ZMAT4: variants seen among roughly 807,000 people sequenced by gnomAD.
The protein encoded by ZMAT4 is zinc finger matrin-type protein 4.
In ZMAT4, 17 loss-of-function variants were observed where a neutral mutation model predicts 28.7. That is an observed-to-expected ratio of 0.59 (90% CI 0.41 to 0.89). ZMAT4 has a LOEUF of 0.89. Among genes scored for constraint, ZMAT4 ranks in the 40% least tolerant of loss-of-function variants. ZMAT4 has a pLI of 0.00. For missense variants in ZMAT4, 240 were observed against 283.8 expected, an observed-to-expected ratio of 0.85 and a Z score of 1.11; for synonymous variants, 117 against 109.2, an observed-to-expected ratio of 1.07 and a Z score of -0.44.
intron 1 of ZMAT4, chr8:40,884,772 G>T (rs1158292371): frequency 6.6e-6 from 1 of 152,216 alleles, no homozygotes; most frequent in Non-Finnish European, 1.5e-5. Context: ...TGGATCCAAG[G>T]TCAGCAAACC....
At chr8:40,695,742 C>T (rs555326049) in intron 4 of ZMAT4, among the ~76,000 whole-genome samples, 1 of 135,194 alleles carries the variant, frequency 7.4e-6, no homozygotes, top group Admixed American at 7.7e-5. Flanking sequence ...TTTAAATTCA[C>T]AAAGAACTGG....
At chr8:40,743,444 A>G (rs1812095158) in intron 3 of ZMAT4, among the ~76,000 whole-genome samples, 1 of 152,220 alleles carries the variant, frequency 6.6e-6, no homozygotes, top group African/African-American at 2.4e-5. Flanking sequence ...CCCCAGGGCC[A>G]GGATGTCAGC....
At chr8:40,757,906 G>A (rs1206014890) in intron 3 of ZMAT4, among the ~76,000 whole-genome samples, 1 of 152,096 alleles carries the variant, frequency 6.6e-6, no homozygotes. Context: ...AATAAAAGCA[G>A]ACAAAAGAAA....
At chr8:40,539,984 G>C (rs1328251874) in intron 6 of ZMAT4, among the ~76,000 whole-genome samples, 1 of 152,226 alleles carries the variant, frequency 6.6e-6, no homozygotes, top group Non-Finnish European at 1.5e-5. Context: ...AACCTTTAGG[G>C]AGGAGAGGCT....
At chr8:40,844,541 C>T (rs1816812888) in intron 1 of ZMAT4, among the ~76,000 whole-genome samples, 1 of 152,092 alleles carries the variant, frequency 6.6e-6, no homozygotes, top group African/African-American at 2.4e-5. Flanking sequence ...AGAATGCAGG[C>T]CTTCCCTTGG....
chr8:40,604,124 G>A (rs1311177205), intron 5 of ZMAT4, among the ~76,000 whole-genome samples: 1 of 152,128 alleles, frequency 6.6e-6, no homozygotes, highest in Non-Finnish European at 1.5e-5. Flanking sequence ...TTTTGGATGA[G>A]TCTTTAGGGT....
rs186822039 is a variant in ZMAT4 at position 40,866,619 on chromosome 8, G to A, written c.-5+31064C>T. Reference sequence around the variant, plus strand: ...TTTTCCCCCTAAGTTCCTAAAAGAAGAGGGTTAGGAAAGGAAGTTGATGAA... The same window carrying A: ...TTTTCCCCCTAAGTTCCTAAAAGAAAAGGGTTAGGAAAGGAAGTTGATGAA... On this transcript the variant is annotated intron_variant, in intron 1 of 6. Coordinates refer to ENST00000297737, the MANE Select transcript of ZMAT4 (RefSeq NM_024645.3). 1.2e-4 allele frequency among the ~76,000 whole-genome samples: 19 copies of A among 152,280 alleles called. No individual in the cohort carries two copies. In the East Asian group the frequency reaches 3.3e-3, roughly 26 times the overall value.
Position 40,659,932 on chromosome 8 carries a change from G to A in ZMAT4, c.577+14772C>T, listed in dbSNP as rs534983802. On this transcript the variant is annotated intron_variant, in intron 5 of 6. Transcript: ENST00000297737. ...GTAGGGTTTATATTGAGTGATAGAT[G>A]CCTTTCTTTTACATATAACTGCAAA... 3.3e-5 allele frequency among the ~76,000 whole-genome samples: 5 copies of A among 152,258 alleles called. No homozygotes were observed. In the East Asian group the frequency reaches 7.7e-4, roughly 23 times the overall value.
chr8:40,635,622 C>T (rs1184410581), intron 5 of ZMAT4, among the ~76,000 whole-genome samples: 1 of 152,144 alleles, frequency 6.6e-6, no homozygotes, highest in African/African-American at 2.4e-5. Flanking sequence ...TCAGTGAGGG[C>T]GTGGTGGCAA....
rs144625931 is a variant in ZMAT4 at position 40,538,582 on chromosome 8, A to T, written c.675-6344T>A. On this transcript the variant is annotated intron_variant, in intron 6 of 6. Transcript: ENST00000297737. Reference sequence around the variant, plus strand: ...TAACTCTTTTTGTCGACGACAACATATTAGCCTCCTCATCTGAAGTGAGAG... The same window carrying T: ...TAACTCTTTTTGTCGACGACAACATTTTAGCCTCCTCATCTGAAGTGAGAG... Among the ~76,000 whole-genome samples, 1,304 of 152,230 alleles carry T rather than the reference A, an allele frequency of 8.6e-3. 10 individuals are homozygous for T. The highest frequency in any genetic ancestry group is 0.014 in the Non-Finnish European group (978 of 68,010).
At position 40,601,727 on chromosome 8, in the gene ZMAT4, A is replaced by G. The variant is rs538973926; in HGVS notation, c.578-20466T>C. Among the ~76,000 whole-genome samples, 132 of 64,604 alleles carry G rather than the reference A, an allele frequency of 2.0e-3. 1 individual carries two copies. Among genetic ancestry groups the G allele is most frequent in the Non-Finnish European group, 4.5e-3 (91 of 20,434 alleles). The allele number at this position is 64,604 out of a possible 152,430, so 42.4% of individuals were successfully genotyped here. On this transcript the variant is annotated intron_variant, in intron 5 of 6. Transcript: ENST00000297737. Reference sequence around the variant, plus strand: ...AAGAAAAGAAAGAAAGAAAGAAAGAAAGAGAAAGCAGGCAGGCAGGCAGGC... The same window carrying G: ...AAGAAAAGAAAGAAAGAAAGAAAGAGAGAGAAAGCAGGCAGGCAGGCAGGC...
chr8:40,725,461 G>A (rs1811279359), intron 3 of ZMAT4, among the ~76,000 whole-genome samples: 1 of 152,168 alleles, frequency 6.6e-6, no homozygotes, highest in South Asian at 2.1e-4. Context: ...TCTCGAGATG[G>A]CATGTATTCA....
intron 5 of ZMAT4, among the ~76,000 whole-genome samples, chr8:40,652,960 C>T (rs1362932058): frequency 2.7e-5 from 4 of 150,198 alleles, no homozygotes; most frequent in Non-Finnish European, 1.5e-5. Context: ...TGAGGGATAG[C>T]ATTGGGAGAT....
intron 3 of ZMAT4, among the ~76,000 whole-genome samples, chr8:40,746,314 T>C (rs565354691): frequency 1.6e-5 from 2 of 125,330 alleles, no homozygotes; most frequent in South Asian, 5.9e-4. Flanking sequence ...TCCTTTCCTT[T>C]CCTTTCCTTT....
intron 2 of ZMAT4, among the ~76,000 whole-genome samples, chr8:40,824,632 A>G (rs898361932): frequency 6.6e-5 from 10 of 151,772 alleles, no homozygotes; most frequent in Non-Finnish European, 1.3e-4. Context: ...GAAGAAAAAA[A>G]GAAAGGAAGA....
At chr8:40,611,420 A>G (rs1442646367) in intron 5 of ZMAT4, among the ~76,000 whole-genome samples, 1 of 152,012 alleles carries the variant, frequency 6.6e-6, no homozygotes, top group South Asian at 2.1e-4. Context: ...TGCTCACTGC[A>G]AGCTCCGCCT....
chr8:40,800,751 G>A (rs1814798978), intron 2 of ZMAT4, among the ~76,000 whole-genome samples: 1 of 152,058 alleles, frequency 6.6e-6, no homozygotes, highest in African/African-American at 2.4e-5. Flanking sequence ...GTAAAGCAGT[G>A]TTTAAAGCAA....
At chr8:40,616,977 A>T (rs1395613532) in intron 5 of ZMAT4, among the ~76,000 whole-genome samples, 1 of 152,138 alleles carries the variant, frequency 6.6e-6, no homozygotes, top group African/African-American at 2.4e-5. Flanking sequence ...AGAAGGACAC[A>T]TAATCATTCT....
At chr8:40,712,911 T>C (rs1449757557) in intron 3 of ZMAT4, among the ~76,000 whole-genome samples, 2 of 152,032 alleles carry the variant, frequency 1.3e-5, no homozygotes, top group Non-Finnish European at 2.9e-5. Context: ...TGTCTTCCCA[T>C]ATGTATTTGC....
Sources: gnomAD v4.1 joint callset for allele counts (sites outside exome capture counted in the v4.1 genomes callset) on GRCh38, gnomAD v4.1.1 for gene constraint, MANE v1.5 for transcripts, NCBI Gene and HGNC (gene_info 2026-07-23, HGNC 2026-07-21) for gene names.